ADIPOR2: variants seen among roughly 807,000 people sequenced by gnomAD.
ADIPOR2 encodes the protein adiponectin receptor 2, also known as adiponectin receptor protein 2.
Under a neutral mutation model 40.9 loss-of-function variants are expected in ADIPOR2, and 18 were observed. The ratio of observed to expected loss-of-function variants is 0.44; its 90% CI spans 0.30 to 0.65. The LOEUF is 0.65. Among genes scored for constraint, ADIPOR2 ranks in the 30% least tolerant of loss-of-function variants. ADIPOR2 has a pLI of 0.09. For missense variants in ADIPOR2, 283 were observed against 479.2 expected (o/e 0.59, Z 3.82); for synonymous variants, 165 against 166.4 (o/e 0.99, Z 0.06).
intron 1 of ADIPOR2, chr12:1,697,250 T>C (rs2094641112): frequency 6.6e-6 from 1 of 152,238 alleles, no homozygotes; most frequent in Non-Finnish European, 1.5e-5. Flanking sequence ...TGTGAGTTTT[T>C]TCTTCTTTTG....
intron 1 of ADIPOR2, among the ~76,000 whole-genome samples, chr12:1,729,617 GTTTTTTTT>G (rs56921758): frequency 1.1e-5 from 1 of 88,986 alleles, no homozygotes; most frequent in African/African-American, 4.9e-5. Context: ...TCAGCCAGTT[GTTTTTTTT>G]TTTTTTTTTT....
At chr12:1,736,367 C>A (rs2094730699) in intron 1 of ADIPOR2, among the ~76,000 whole-genome samples, 1 of 152,190 alleles carries the variant, frequency 6.6e-6, no homozygotes, top group Admixed American at 6.5e-5. Flanking sequence ...CCTAGATTTT[C>A]TAATTTATTT....
chr12:1,713,717 G>A (rs990775866), intron 1 of ADIPOR2, among the ~76,000 whole-genome samples: 2 of 152,112 alleles, frequency 1.3e-5, no homozygotes, highest in Non-Finnish European at 2.9e-5. Flanking sequence ...CATGTGAAAA[G>A]AGCAAAGTCT....
At chr12:1,744,983 A>T (rs2154443077) in intron 1 of ADIPOR2, among the ~76,000 whole-genome samples, 1 of 152,250 alleles carries the variant, frequency 6.6e-6, no homozygotes, top group African/African-American at 2.4e-5. Flanking sequence ...GTGCCCTTTA[A>T]ATTTTTTTTT....
intron 1 of ADIPOR2, among the ~76,000 whole-genome samples, chr12:1,723,701 T>G (rs1364664038): frequency 2.0e-5 from 3 of 151,640 alleles, no homozygotes; most frequent in Non-Finnish European, 4.4e-5. Flanking sequence ...TTAAAAAAAC[T>G]GCAAAAAAGC....
chr12:1,731,984 A>C (rs1157752514), intron 1 of ADIPOR2, among the ~76,000 whole-genome samples: 1 of 126,468 alleles, frequency 7.9e-6, no homozygotes, highest in Non-Finnish European at 1.7e-5. Flanking sequence ...CAAAAACAAA[A>C]AACACCAAGT....
chr12:1,759,068 A>G (rs931506012), intron 2 of ADIPOR2, among the ~76,000 whole-genome samples: 12 of 132,186 alleles, frequency 9.1e-5, no homozygotes, highest in Admixed American at 9.0e-4. Context: ...CTGAATTCCA[A>G]ACTCAGTCCC....
At chr12:1,726,801 G>T (rs141065765) in intron 1 of ADIPOR2, among the ~76,000 whole-genome samples, 9 of 152,182 alleles carry the variant, frequency 5.9e-5, no homozygotes, top group South Asian at 2.1e-4. Context: ...AGTGCCAACT[G>T]AACATTTCTG....
At chr12:1,759,792 C>T (rs945669621) in intron 2 of ADIPOR2, among the ~76,000 whole-genome samples, 7 of 151,872 alleles carry the variant, frequency 4.6e-5, no homozygotes, top group African/African-American at 7.3e-5. Flanking sequence ...TTTGGGAGGC[C>T]GAGGCAGACA....
At chr12:1,754,736 T>C (rs1479075097) in intron 2 of ADIPOR2, among the ~76,000 whole-genome samples, 1 of 149,900 alleles carries the variant, frequency 6.7e-6, no homozygotes, top group East Asian at 1.9e-4. Context: ...CTACTACTAC[T>C]ACTACTACTA....
chr12:1,744,067 T>C (rs1400306467), intron 1 of ADIPOR2, among the ~76,000 whole-genome samples: 4 of 152,140 alleles, frequency 2.6e-5, no homozygotes, highest in African/African-American at 9.7e-5. Context: ...TTTGCTGTTA[T>C]GTTTTATATG....
At chr12:1,730,431 C>T (rs2094717480) in intron 1 of ADIPOR2, among the ~76,000 whole-genome samples, 1 of 151,812 alleles carries the variant, frequency 6.6e-6, no homozygotes, top group Non-Finnish European at 1.5e-5. Context: ...TCCTGACTAA[C>T]ACGGTGAAAC....
At chr12:1,736,888 A>T (rs2094732042) in intron 1 of ADIPOR2, among the ~76,000 whole-genome samples, 2 of 152,222 alleles carry the variant, frequency 1.3e-5, no homozygotes, top group Admixed American at 1.3e-4. Context: ...GTCATTCAGG[A>T]GGAGGTTGTT....
At chr12:1,734,988 G>C (rs1377061129) in intron 1 of ADIPOR2, among the ~76,000 whole-genome samples, 2 of 152,126 alleles carry the variant, frequency 1.3e-5, no homozygotes, top group Non-Finnish European at 2.9e-5. Context: ...TGCTGTTTTG[G>C]TTACTGTAGC....
intron 2 of ADIPOR2, among the ~76,000 whole-genome samples, chr12:1,768,290 C>T (rs1363326030): frequency 6.6e-6 from 1 of 152,122 alleles, no homozygotes. Flanking sequence ...TTCCTAAATG[C>T]CCCCGAAGCT....
chr12:1,763,952 C>G (rs1244902721), intron 2 of ADIPOR2, among the ~76,000 whole-genome samples: 1 of 152,158 alleles, frequency 6.6e-6, no homozygotes, highest in East Asian at 1.9e-4. Flanking sequence ...GCACTCCAGC[C>G]TTGGCAACAG....
Position 1,773,173 on chromosome 12 carries a change from C to CT in ADIPOR2, c.291+213dup, listed in dbSNP as rs556737847. Among the ~76,000 whole-genome samples, 161 of 152,286 alleles carry CT rather than the reference C, an allele frequency of 1.1e-3. 1 individual carries two copies. Among genetic ancestry groups the CT allele is most frequent in the Admixed American group, 8.8e-3 (135 of 15,304 alleles). ...TAGCCATGATAAAGCTCTGATAAAACTAGGATATCCAGCTGGGAAACAAAC... is the reference window on the plus strand; with the variant it reads ...TAGCCATGATAAAGCTCTGATAAAACTTAGGATATCCAGCTGGGAAACAAAC... On this transcript the variant is annotated intron_variant, in intron 3 of 7. Transcript: ENST00000357103.
chr12:1,731,122 G>A (rs2094719321), intron 1 of ADIPOR2: 1 of 151,292 alleles, frequency 6.6e-6, no homozygotes, highest in Non-Finnish European at 1.5e-5. Flanking sequence ...GTGCAGTGAT[G>A]CGATCATGGC....
chr12:1,781,208 C>G (rs772767895), intron 6 of ADIPOR2, 132 bp downstream of exon 6: 1 of 1,016,028 alleles, frequency 9.8e-7, no homozygotes, highest in Admixed American at 3.6e-5. Flanking sequence ...AATCATAGTT[C>G]CTATTGTTGG....
Sources: gnomAD v4.1 joint callset for allele counts (sites outside exome capture counted in the v4.1 genomes callset) on GRCh38, gnomAD v4.1.1 for gene constraint, MANE v1.5 for transcripts, NCBI Gene and HGNC (gene_info 2026-07-23, HGNC 2026-07-21) for gene names.